Variants in FAM13A observed in about 807,000 individuals in gnomAD.
FAM13A encodes family with sequence similarity 13 member A, also known as protein FAM13A.
FAM13A carries 76 observed loss-of-function variants against 129.6 expected under a neutral mutation model. The ratio of observed to expected loss-of-function variants is 0.59; its 90% confidence interval spans 0.49 to 0.71. The LOEUF is 0.71. Ranked by LOEUF, FAM13A falls within the 30% of genes least tolerant of loss-of-function variation. The pLI is 0.00. For synonymous variants in FAM13A, 443 were observed against 449.9 expected (o/e 0.98, Z 0.20); for missense variants, 1,108 against 1,249.3 (o/e 0.89, Z 1.70).
chr4:89,029,320 T>C (rs1322844489), intron 2 of FAM13A, 140 bp downstream of exon 2: 1 of 702,734 alleles, frequency 1.4e-6, no homozygotes, highest in Non-Finnish European at 2.4e-6. Flanking sequence ...AAATGAAAAG[T>C]ATATTACACA....
chr4:88,741,697 C>T (rs945426907), intron 19 of FAM13A, among the ~76,000 whole-genome samples: 10 of 152,110 alleles, frequency 6.6e-5, no homozygotes, highest in East Asian at 1.9e-4. Flanking sequence ...TGAGTACTGA[C>T]GTGATGCCAA....
At chr4:89,016,200 A>AC (rs34108215) in intron 3 of FAM13A, among the ~76,000 whole-genome samples, 36,851 of 150,660 alleles carry the variant, frequency 0.24, 4,935 homozygotes, top group East Asian at 0.4. Context: ...AAAAAAAAAA[A>AC]ACACAATTTT....
intron 7 of FAM13A, among the ~76,000 whole-genome samples, chr4:88,835,599 G>C (rs1363398697): frequency 1.3e-5 from 2 of 152,048 alleles, no homozygotes; most frequent in African/African-American, 4.8e-5. Flanking sequence ...TGGGAGCCCT[G>C]AGTTTGTTAT....
intron 7 of FAM13A, among the ~76,000 whole-genome samples, chr4:88,823,867 GGGATCA>G (rs546578555): frequency 1.6e-3 from 239 of 152,306 alleles, no homozygotes; most frequent in African/African-American, 5.5e-3. Flanking sequence ...AAGTTCTTAA[GGGATCA>G]GAATCCACTC....
intron 6 of FAM13A, among the ~76,000 whole-genome samples, chr4:88,875,485 A>G (rs1742243661): frequency 1.3e-5 from 2 of 152,384 alleles, no homozygotes; most frequent in African/African-American, 2.4e-5. Flanking sequence ...GGCAAAGGTT[A>G]TAACAGACAC....
chr4:88,892,173 CTTTTTT>C (rs1183640454), intron 6 of FAM13A, among the ~76,000 whole-genome samples: 2 of 67,906 alleles, frequency 2.9e-5, no homozygotes, highest in Non-Finnish European at 5.3e-5. Flanking sequence ...AAGATCCTGT[CTTTTTT>C]TTTTTTTTTT....
At chr4:88,810,843 TAAATCA>T (rs1483620806) in intron 7 of FAM13A, among the ~76,000 whole-genome samples, 1 of 152,182 alleles carries the variant, frequency 6.6e-6, no homozygotes, top group African/African-American at 2.4e-5. Context: ...TACATACATA[TAAATCA>T]GATATAAATT....
chr4:88,962,321 G>T (rs1294133365), intron 4 of FAM13A, among the ~76,000 whole-genome samples: 2 of 152,130 alleles, frequency 1.3e-5, no homozygotes, highest in African/African-American at 4.8e-5. Context: ...AGGAAAGGAT[G>T]AACGAGATTT....
chr4:89,035,318 T>A (rs926302101), intron 1 of FAM13A, among the ~76,000 whole-genome samples: 1 of 152,158 alleles, frequency 6.6e-6, no homozygotes, highest in Non-Finnish European at 1.5e-5. Context: ...AACCTGCACA[T>A]GCACCCTGAA....
chr4:88,741,489 G>A (rs1578442836), intron 19 of FAM13A, among the ~76,000 whole-genome samples: 3 of 152,310 alleles, frequency 2.0e-5, no homozygotes, highest in Middle Eastern at 6.8e-3. Flanking sequence ...CTTGAGTCAC[G>A]GTACTGACGA....
At chr4:88,867,647 C>T (rs1740679821) in intron 6 of FAM13A, among the ~76,000 whole-genome samples, 1 of 152,114 alleles carries the variant, frequency 6.6e-6, no homozygotes, top group Non-Finnish European at 1.5e-5. Context: ...ATGAGGACTA[C>T]TGTACTATAT....
chr4:88,900,206 T>C lies in FAM13A; in HGVS notation c.843+6173A>G, dbSNP rs1241985749. Among the ~76,000 whole-genome samples, 3 of 151,938 alleles carry C rather than the reference T, an allele frequency of 2.0e-5. No individual in the cohort carries two copies. In the East Asian group the frequency reaches 5.8e-4, roughly 29 times the overall value. On this transcript the variant is annotated intron_variant, in intron 6 of 23. Transcript: ENST00000264344. ...GAAAATGGAACCAAGTTGGAAAACATACTTCATATGCTGAAAAACATATAT... is the reference window on the plus strand; with the variant it reads ...GAAAATGGAACCAAGTTGGAAAACACACTTCATATGCTGAAAAACATATAT...
intron 7 of FAM13A, among the ~76,000 whole-genome samples, chr4:88,818,485 C>A (rs1731221335): frequency 6.6e-6 from 1 of 152,198 alleles, no homozygotes; most frequent in Non-Finnish European, 1.5e-5. Context: ...AACATCTTTA[C>A]TTTTTCAGTG....
chr4:88,870,558 G>T (rs1468016485), intron 6 of FAM13A, among the ~76,000 whole-genome samples: 1 of 152,206 alleles, frequency 6.6e-6, no homozygotes, highest in Non-Finnish European at 1.5e-5. Flanking sequence ...AGATTGAACT[G>T]CAAGGTGAAA....
chr4:88,978,161 C>G (rs1761158489), intron 4 of FAM13A, among the ~76,000 whole-genome samples: 1 of 152,290 alleles, frequency 6.6e-6, no homozygotes. Flanking sequence ...CTTTTTCTCT[C>G]TAAAAAGTAA....
At chr4:88,921,317 C>T (rs972009703) in intron 5 of FAM13A, among the ~76,000 whole-genome samples, 1 of 152,154 alleles carries the variant, frequency 6.6e-6, no homozygotes, top group East Asian at 1.9e-4. Flanking sequence ...TCGGGTTACC[C>T]ACAAAGGGAA....
chr4:88,929,157 G>A (rs892809101), intron 5 of FAM13A, among the ~76,000 whole-genome samples: 11 of 149,466 alleles, frequency 7.4e-5, no homozygotes, highest in Admixed American at 6.8e-5. Flanking sequence ...TATTCTGGAA[G>A]GATATAAAAT....
intron 4 of FAM13A, among the ~76,000 whole-genome samples, chr4:88,966,051 C>T (rs1364577092): frequency 6.6e-6 from 1 of 152,180 alleles, no homozygotes; most frequent in African/African-American, 2.4e-5. Flanking sequence ...CTTCTTTCAA[C>T]TCTTTTGGAT....
intron 4 of FAM13A, among the ~76,000 whole-genome samples, chr4:88,949,044 CTTT>C (rs1206823813): frequency 6.6e-6 from 1 of 152,088 alleles, no homozygotes; most frequent in Non-Finnish European, 1.5e-5. Flanking sequence ...CCTACAATAA[CTTT>C]TTTTACAAAA....
Sources: gnomAD v4.1 joint callset for allele counts (sites outside exome capture counted in the v4.1 genomes callset) on GRCh38, gnomAD v4.1.1 for gene constraint, MANE v1.5 for transcripts, NCBI Gene and HGNC (gene_info 2026-07-23, HGNC 2026-07-21) for gene names.